Variants in RARB observed in about 807,000 individuals in gnomAD.
RARB encodes retinoic acid receptor beta, also known as HBV-activated protein.
A neutral mutation model predicts 51.9 loss-of-function variants in RARB; 17 were observed. That is an observed-to-expected ratio of 0.33 (90% confidence interval 0.22 to 0.49). The LOEUF (loss-of-function observed/expected upper bound fraction) is 0.49, where lower values mean the gene tolerates loss of function less well. RARB is among the 20% of genes least tolerant of loss of function. RARB has a pLI of 0.99. For missense variants in RARB, 369 were observed against 550.8 expected (o/e 0.67, Z 3.30); for synonymous variants, 215 against 195.4 (o/e 1.10, Z -0.84).
At chr3:25,084,946 C>A (rs188267395) in intron 3 of RARB, among the ~76,000 whole-genome samples, 1 of 152,106 alleles carries the variant, frequency 6.6e-6, no homozygotes, top group Non-Finnish European at 1.5e-5. Flanking sequence ...CTTCACAATA[C>A]ATTTTTATGC....
At chr3:24,911,940 T>C (rs1694996817) in intron 2 of RARB, among the ~76,000 whole-genome samples, 1 of 152,204 alleles carries the variant, frequency 6.6e-6, no homozygotes, top group South Asian at 2.1e-4. Context: ...AGAATGAATC[T>C]TAATGTTGGT....
intron 2 of RARB, among the ~76,000 whole-genome samples, chr3:24,867,344 C>T (rs1170018880): frequency 6.6e-6 from 1 of 152,090 alleles, no homozygotes; most frequent in African/African-American, 2.4e-5. Context: ...AGGCTAAATG[C>T]AAGATGGGAG....
intron 3 of RARB, among the ~76,000 whole-genome samples, chr3:25,506,854 C>T (rs1301162715): frequency 6.6e-6 from 1 of 152,248 alleles, no homozygotes; most frequent in Admixed American, 6.5e-5. Flanking sequence ...CCATCCCATG[C>T]TTCTCCCCTA....
At chr3:25,111,715 A>T (rs531369136) in intron 3 of RARB, among the ~76,000 whole-genome samples, 1 of 151,140 alleles carries the variant, frequency 6.6e-6, no homozygotes, top group African/African-American at 2.4e-5. Context: ...AGTAGCTGAG[A>T]TTACAGGCAC....
At chr3:25,250,304 A>G (rs1702680306) in intron 5 of RARB, among the ~76,000 whole-genome samples, 2 of 152,140 alleles carry the variant, frequency 1.3e-5, no homozygotes, top group Admixed American at 6.5e-5. Flanking sequence ...CTCAGGCTCC[A>G]TGTGATGTGT....
At chr3:25,211,650 A>G (rs1013996568) in intron 5 of RARB, among the ~76,000 whole-genome samples, 1 of 152,238 alleles carries the variant, frequency 6.6e-6, no homozygotes, top group Non-Finnish European at 1.5e-5. Flanking sequence ...TCAGAGATTG[A>G]CAAACTTTTT....
rs913363613 is a variant in RARB at position 25,597,280 on chromosome 3, T to C, written c.*664T>C. The C allele has an allele frequency of 2.6e-5, 4 of 152,634 alleles. No homozygotes were observed. Among genetic ancestry groups the C allele is most frequent in the African/African-American group, 9.6e-5 (4 of 41,464 alleles). The allele number at this position is 152,634 out of a possible 1,614,324, so 9.5% of individuals were successfully genotyped here. ...GCCCAGTAAAAGTATACAAATTCCC[T>C]GCACTAGCAGAAGAGAATTCTGTAT... On this transcript the variant is annotated 3_prime_UTR_variant, in exon 8 of 8. Transcript: ENST00000330688.
At chr3:25,147,145 A>G (rs1700206454) in intron 4 of RARB, among the ~76,000 whole-genome samples, 1 of 152,196 alleles carries the variant, frequency 6.6e-6, no homozygotes, top group Non-Finnish European at 1.5e-5. Flanking sequence ...CACAATTTCC[A>G]GAGGTATTTT....
At chr3:25,058,062 T>G (rs528248557) in intron 2 of RARB, among the ~76,000 whole-genome samples, 1 of 152,086 alleles carries the variant, frequency 6.6e-6, no homozygotes, top group African/African-American at 2.4e-5. Context: ...AAATTGACTT[T>G]AGAGCATAAA....
intron 2 of RARB, among the ~76,000 whole-genome samples, chr3:24,862,323 T>A (rs1392307874): frequency 1.3e-5 from 2 of 152,158 alleles, no homozygotes; most frequent in Non-Finnish European, 2.9e-5. Flanking sequence ...ATTATATGAT[T>A]TTTCATCTTC....
chr3:24,920,595 T>A (rs1485145100), intron 2 of RARB, among the ~76,000 whole-genome samples: 2 of 152,206 alleles, frequency 1.3e-5, no homozygotes, highest in Non-Finnish European at 2.9e-5. Flanking sequence ...CATGGCCTTG[T>A]CCAAGGTCAG....
At chr3:24,914,471 A>T (rs973626136) in intron 2 of RARB, among the ~76,000 whole-genome samples, 1 of 152,128 alleles carries the variant, frequency 6.6e-6, no homozygotes, top group Admixed American at 6.5e-5. Flanking sequence ...TAGATGGAAC[A>T]TCTTCTGCCA....
At chr3:25,357,743 T>C (rs1286174615) in intron 5 of RARB, among the ~76,000 whole-genome samples, 1 of 152,212 alleles carries the variant, frequency 6.6e-6, no homozygotes, top group Non-Finnish European at 1.5e-5. Flanking sequence ...TAGCCAGTTT[T>C]CCCAACAATG....
intron 5 of RARB, among the ~76,000 whole-genome samples, chr3:25,390,854 G>C (rs912007999): frequency 6.6e-6 from 1 of 151,942 alleles, no homozygotes; most frequent in Non-Finnish European, 1.5e-5. Context: ...AAAGTAGTTT[G>C]ACTTTTCCTG....
intron 1 of RARB, among the ~76,000 whole-genome samples, chr3:25,443,157 G>C (rs774322235): frequency 1.4e-4 from 21 of 152,188 alleles, no homozygotes; most frequent in Non-Finnish European, 2.9e-4. Context: ...AACATCTCAA[G>C]TGAGCTAATA....
In RARB at chr3:25,190,914, A is replaced by G. The variant is rs940803602; in HGVS notation, c.178+16339A>G. Among the ~76,000 whole-genome samples the G allele has an allele frequency of 2.8e-4, 43 of 152,142 alleles. 1 individual carries two copies. The highest frequency in any genetic ancestry group is 9.9e-4 in the African/African-American group (41 of 41,454). The stretch of plus-strand genomic sequence containing the variant: ...CATCTGGTTCAGAAACTTGTGCTAA[A>G]TCAAGTCAGAGTCAATTAATTCCCT... On this transcript the variant is annotated intron_variant, in intron 5 of 11. Transcript: ENST00000383772.
In RARB at chr3:24,937,414, G is replaced by C. The variant is rs903652636; in HGVS notation, c.-380+78662G>C. Among the ~76,000 whole-genome samples, 24 of 152,076 alleles carry C rather than the reference G, an allele frequency of 1.6e-4. 1 individual carries two copies. The highest frequency in any genetic ancestry group is 1.2e-3 in the Admixed American group (18 of 15,262). On this transcript the variant is annotated intron_variant, in intron 2 of 11. Coordinates refer to the RARB transcript ENST00000383772. ...TGCCTTGACTCCAAAGATAAGTTGAGACTGTCCTACTTTATCTTACTTTTC... is the reference window on the plus strand; with the variant it reads ...TGCCTTGACTCCAAAGATAAGTTGACACTGTCCTACTTTATCTTACTTTTC...
At chr3:25,197,059 C>T (rs1701260232) in intron 5 of RARB, among the ~76,000 whole-genome samples, 1 of 152,048 alleles carries the variant, frequency 6.6e-6, no homozygotes, top group African/African-American at 2.4e-5. Flanking sequence ...CGTTCAGAAG[C>T]TCTTTAGTTT....
chr3:24,994,640 AG>A (rs1422297917), intron 2 of RARB, among the ~76,000 whole-genome samples: 1 of 151,952 alleles, frequency 6.6e-6, no homozygotes, highest in Non-Finnish European at 1.5e-5. Context: ...TACCACATGT[AG>A]GTATTTGGTC....
Sources: gnomAD v4.1 joint callset for allele counts (sites outside exome capture counted in the v4.1 genomes callset) on GRCh38, gnomAD v4.1.1 for gene constraint, MANE v1.5 for transcripts, NCBI Gene and HGNC (gene_info 2026-07-23, HGNC 2026-07-21) for gene names.